The following SLC12A7 variants were observed in gnomAD, a reference collection of about 807,000 sequenced individuals.
SLC12A7 encodes K-Cl cotransporter 4.
A neutral mutation model predicts 120.6 loss-of-function variants in SLC12A7; 100 were observed. The ratio of observed to expected loss-of-function variants is 0.83; its 90% CI spans 0.71 to 0.98. SLC12A7 has a LOEUF of 0.98. SLC12A7 is among the 50% of genes least tolerant of loss of function. SLC12A7 has a pLI of 0.00. For missense variants in SLC12A7, 1,373 were observed against 1,548.1 expected, an observed-to-expected ratio of 0.89 and a Z score of 1.90; for synonymous variants, 760 against 678.0, an observed-to-expected ratio of 1.12 and a Z score of -1.88.
intron 16 of SLC12A7, 111 bp from the exon 17 acceptor site, chr5:1,073,912 GAT>G: frequency 9.2e-7 from 1 of 1,086,860 alleles, no homozygotes; most frequent in Non-Finnish European, 1.2e-6. Context: ...TGGGACGGGA[GAT>G]ACATGACAGG....
rs749562718 is a variant in SLC12A7, at chr5:1,077,852, C to T, written c.1610G>A (p.Gly537Asp). The change falls in exon 12 of 24, where the codon GGC becomes GAC. Residue 537 changes from glycine to aspartate, a missense_variant. By Grantham distance (94) the Gly-to-Asp change is moderately conservative. Transcript: ENST00000264930. ...ACTCACCTGCAGGAAGGGGACGATG[C>T]CGTCACGGGCAATGGCCTGCAGTAG... ...PRLLQAIARD[G>D]IVPFLQVFGH... The T allele has an allele frequency of 1.3e-6, 2 of 1,590,740 alleles. No homozygotes were observed. The highest frequency in any genetic ancestry group is 1.7e-6 in the Non-Finnish European group (2 of 1,169,456).
In SLC12A7 at chr5:1,089,657, G is replaced by A. The variant is rs538026409; in HGVS notation, c.343-529C>T. Among the ~76,000 whole-genome samples, 5 of 152,052 alleles carry A rather than the reference G, an allele frequency of 3.3e-5. No homozygotes were observed. The East Asian group carries it at 7.7e-4, about 24-fold the overall frequency. ...CTTAACCGGGCACGGAGGTCACCAC[G>A]AGATAACAGCAAAGGTTCAGATATC... On this transcript the variant is annotated intron_variant, in intron 3 of 23. Coordinates refer to ENST00000264930, the MANE Select transcript of SLC12A7 (RefSeq NM_006598.3).
At chr5:1,121,398 C>T in the SLC12A7 span, among the ~76,000 whole-genome samples, 3 of 152,214 alleles carry the variant, frequency 2.0e-5, 1 homozygote, top group African/African-American at 7.2e-5. Flanking sequence ...TGCTGGGGGG[C>T]AGGGCCGACA....
the SLC12A7 span, among the ~76,000 whole-genome samples, chr5:1,138,218 C>A: frequency 5.3e-5 from 8 of 152,138 alleles, no homozygotes; most frequent in African/African-American, 1.2e-4. Context: ...AAACCTTCCA[C>A]ATCATTGAAA....
At chr5:1,104,679 G>C (rs978605619) in intron 1 of SLC12A7, among the ~76,000 whole-genome samples, 4 of 149,998 alleles carry the variant, frequency 2.7e-5, no homozygotes, top group African/African-American at 9.8e-5. Context: ...CCCACCGGGG[G>C]GTGCGTGTGG....
At chr5:1,052,745 C>T (rs1735186754) in intron 23 of SLC12A7, among the ~76,000 whole-genome samples, 2 of 152,190 alleles carry the variant, frequency 1.3e-5, no homozygotes, top group Admixed American at 6.5e-5. Flanking sequence ...GGAACCCCAG[C>T]CACGGGACTG....
the SLC12A7 span, among the ~76,000 whole-genome samples, chr5:1,117,096 C>T: frequency 6.6e-6 from 1 of 152,060 alleles, no homozygotes; most frequent in Non-Finnish European, 1.5e-5. This position sits in a 1 kb window ranked among gnomAD's most constrained non-coding sequence, Gnocchi z 4.5. Flanking sequence ...CTCAGAGCCG[C>T]GGAGGGTCCT....
chr5:1,078,035 C>T (rs12374519), intron 11 of SLC12A7, 28 bp from the exon 12 acceptor site: 158 of 1,536,922 alleles, frequency 1.0e-4, no homozygotes, highest in Middle Eastern at 1.7e-4. Flanking sequence ...GGCGGGCGGG[C>T]GGCTTTCAGA....
rs529457470 is a variant in SLC12A7 at position 1,088,080 on chromosome 5, G to C, written c.544+226C>G. 3.3e-4 allele frequency among the ~76,000 whole-genome samples: 50 copies of C among 152,258 alleles called. 1 individual carries two copies. The highest frequency in any genetic ancestry group is 1.2e-3 in the African/African-American group (50 of 41,558). ...CTGCCTGGTGGGCACTGCCTACCCTGGCAAGAGACGGTCACCACGCAGCAA... is the reference window on the plus strand; with the variant it reads ...CTGCCTGGTGGGCACTGCCTACCCTCGCAAGAGACGGTCACCACGCAGCAA... On this transcript the variant is annotated intron_variant, in intron 5 of 23. Transcript: ENST00000264930.
Position 1,079,407 on chromosome 5 carries a change from ACGT to A in SLC12A7, c.1384_1386del (p.Thr462del), listed in dbSNP as rs1333057889. The A allele has an allele frequency of 1.2e-6, 2 of 1,612,132 alleles. No homozygotes were observed. Among genetic ancestry groups the A allele is most frequent in the Non-Finnish European group, 8.5e-7 (1 of 1,179,460 alleles). On this transcript the variant is annotated inframe_deletion, in exon 10 of 24. Transcript: ENST00000264930. The stretch of plus-strand genomic sequence containing the variant: ...ACCCCTCCAAGGATACAGATGAAAG[ACGT>A]CGTCACTATGGCCAGGATGGTCCCC...
intron 1 of SLC12A7, among the ~76,000 whole-genome samples, chr5:1,099,631 T>C (rs953342859): frequency 1.3e-5 from 2 of 152,192 alleles, no homozygotes; most frequent in Non-Finnish European, 2.9e-5. Context: ...GTTTCTGACT[T>C]ATCTCCACAT....
At position 1,088,991 on chromosome 5, in the gene SLC12A7, G is replaced by A. The variant is rs771719432; in HGVS notation, c.480C>T (p.Cys160=). 8 of 1,612,734 alleles carry A rather than the reference G, an allele frequency of 5.0e-6. No individual in the cohort carries two copies. Among genetic ancestry groups the A allele is most frequent in the African/African-American group, 1.3e-5 (1 of 74,940 alleles). The part of the protein sequence containing the change: ...VLESFLIVAM[C]CTCTMLTAIS... ...GCCGGGGGAGACTCACACATGTGCA[G>A]CACATGGCCACGATGAGGAAGGACT... is the stretch of plus-strand genomic sequence containing the variant. The change falls in exon 4 of 24, where the codon TGC becomes TGT. Residue 160 remains cysteine (C), a synonymous_variant. Transcript: ENST00000264930.
At chr5:1,057,393 GGGAA>G (rs2150779840) in intron 22 of SLC12A7, 74 bp downstream of exon 22, 1 of 1,452,774 alleles carries the variant, frequency 6.9e-7, no homozygotes, top group South Asian at 1.3e-5. Context: ...TCAGTGGTCA[GGGAA>G]GGGACTCTGT....
At chr5:1,084,445 G>A (rs1322161375) in intron 7 of SLC12A7, among the ~76,000 whole-genome samples, 1 of 152,210 alleles carries the variant, frequency 6.6e-6, no homozygotes, top group Non-Finnish European at 1.5e-5. Context: ...CACAATCTCA[G>A]TGTCTGAGTT....
intron 14 of SLC12A7, 163 bp downstream of exon 14, chr5:1,075,975 G>C: frequency 6.6e-6 from 4 of 607,168 alleles, no homozygotes; most frequent in South Asian, 2.1e-5. Flanking sequence ...AACAGTCAAG[G>C]ACGCGCTGGG....
chr5:1,052,682 G>A (rs1002384212), intron 23 of SLC12A7, among the ~76,000 whole-genome samples: 17 of 152,162 alleles, frequency 1.1e-4, no homozygotes, highest in African/African-American at 3.9e-4. Flanking sequence ...GTGGCCACAG[G>A]GAGGACGAGC....
chr5:1,088,194 C>T, intron 5 of SLC12A7, 112 bp downstream of exon 5: 1 of 1,064,298 alleles, frequency 9.4e-7, no homozygotes. Flanking sequence ...GGCTGAGACC[C>T]CCAGGCAGCC....
the SLC12A7 span, among the ~76,000 whole-genome samples, chr5:1,136,670 C>G: frequency 3.5e-5 from 5 of 142,870 alleles, no homozygotes; most frequent in East Asian, 2.2e-4. Context: ...GACACCAACA[C>G]CAGGACACGC....
intron 3 of SLC12A7, among the ~76,000 whole-genome samples, chr5:1,090,699 C>G (rs1740399740): frequency 6.6e-6 from 1 of 152,194 alleles, no homozygotes; most frequent in Admixed American, 6.5e-5. Flanking sequence ...GGGCCCCTGC[C>G]CTCCAGGCTC....
Sources: gnomAD v4.1 joint callset for allele counts (sites outside exome capture counted in the v4.1 genomes callset) on GRCh38, gnomAD v4.1.1 for gene constraint, Gnocchi (gnomAD v3.1) non-coding constraint, MANE v1.5 for transcripts, NCBI Gene and HGNC (gene_info 2026-07-23, HGNC 2026-07-21) for gene names.